Variants in CRTC1 observed in about 807,000 individuals in gnomAD.
The protein encoded by CRTC1 is CREB regulated transcription coactivator 1, also known as CREB-regulated transcription coactivator 1.
Under a neutral mutation model 66.1 loss-of-function variants are expected in CRTC1, and 18 were observed. The observed-to-expected ratio is 0.27, with a 90% CI of 0.19 to 0.40. CRTC1 has a LOEUF of 0.40. CRTC1 is among the 10% of genes least tolerant of loss of function. The pLI is 1.00. For synonymous variants in CRTC1, 416 were observed against 398.8 expected (o/e 1.04, Z -0.51); for missense variants, 669 against 887.9 (o/e 0.75, Z 3.13).
intron 13 of CRTC1, among the ~76,000 whole-genome samples, chr19:18,776,864 C>T (rs1370109800): frequency 6.6e-6 from 1 of 152,188 alleles, no homozygotes; most frequent in Admixed American, 6.5e-5. Flanking sequence ...GAGGTCCCTG[C>T]CCTCGCCAGG....
intron 1 of CRTC1, among the ~76,000 whole-genome samples, chr19:18,689,993 G>A (rs559372651): frequency 6.6e-6 from 1 of 151,698 alleles, no homozygotes; most frequent in Non-Finnish European, 1.5e-5. Context: ...CAGGGGGAAT[G>A]ATAGCTGGAG....
Position 18,775,723 on chromosome 19 carries a change from C to T in CRTC1, c.1595C>T (p.Ala532Val), listed in dbSNP as rs375088084. 39 of 1,612,574 alleles carry T rather than the reference C, an allele frequency of 2.4e-5. No individual in the cohort carries two copies. Among genetic ancestry groups the T allele is most frequent in the Non-Finnish European group, 3.0e-5 (35 of 1,179,836 alleles). ...GGCTCCACACTCAACTACTCGCAGG[C>T]GGCCATGATGGGCCTCACGGGCAGC... Reference protein sequence around the residue: ...SPGSTLNYSQAAMMGLTGSHG... With the variant: ...SPGSTLNYSQVAMMGLTGSHG... Residue 532 changes from alanine to valine, a missense_variant, in exon 13 of 14, where the codon GCG (alanine) becomes GTG (valine). Coordinates refer to ENST00000321949, the MANE Select transcript of CRTC1 (RefSeq NM_015321.3).
chr19:18,707,525 A>G (rs11670024), intron 1 of CRTC1, among the ~76,000 whole-genome samples: 12,538 of 152,302 alleles, frequency 0.082, 712 homozygotes, highest in Non-Finnish European at 0.12. Context: ...GTTTTGAAAT[A>G]ACAAAGTGTG....
At chr19:18,688,497 G>A (rs2052744269) in intron 1 of CRTC1, among the ~76,000 whole-genome samples, 2 of 151,954 alleles carry the variant, frequency 1.3e-5, no homozygotes, top group African/African-American at 2.4e-5. Context: ...GGAGTGTGGT[G>A]GTGCGATCTT....
chr19:18,764,701 C>G (rs771455082), intron 8 of CRTC1, among the ~76,000 whole-genome samples: 5 of 152,170 alleles, frequency 3.3e-5, no homozygotes, highest in African/African-American at 7.2e-5. Flanking sequence ...GTTCAGACAG[C>G]CTGATGGGTG....
At chr19:18,701,141 C>G (rs1277481497) in intron 1 of CRTC1, among the ~76,000 whole-genome samples, 1 of 152,266 alleles carries the variant, frequency 6.6e-6, no homozygotes, top group Non-Finnish European at 1.5e-5. Context: ...TCACTGCCGG[C>G]TCAGCCGGGG....
rs1386132495 is a variant in CRTC1 at position 18,771,191 on chromosome 19, A to C, written c.1321-251A>C. Among the ~76,000 whole-genome samples, 1 of 152,024 alleles carries C rather than the reference A, an allele frequency of 6.6e-6. No homozygotes were observed. Among genetic ancestry groups the C allele is most frequent in the African/African-American group, 2.4e-5 (1 of 41,362 alleles). ...CTGATCACCCTCCTGTAGCTCCAAG[A>C]AGGAGGGCAGTTATTCACCCTCCAC... On this transcript the variant is annotated intron_variant, in intron 10 of 13. Transcript: ENST00000321949. The surrounding 1 kb of genome is among the most constrained non-coding windows in gnomAD (Gnocchi z 4.6).
intron 1 of CRTC1, among the ~76,000 whole-genome samples, chr19:18,713,809 G>A (rs563295441): frequency 1.3e-5 from 2 of 152,234 alleles, no homozygotes; most frequent in African/African-American, 2.4e-5. Flanking sequence ...CTGCACGCGC[G>A]GGGAGGAGCT....
At chr19:18,758,610 G>C (rs944937585) in intron 6 of CRTC1, among the ~76,000 whole-genome samples, 4 of 152,120 alleles carry the variant, frequency 2.6e-5, no homozygotes, top group Non-Finnish European at 4.4e-5. Context: ...GGGACGTCTC[G>C]GGACTCTCAG....
At chr19:18,722,096 AC>A (rs1193116442) in intron 1 of CRTC1, among the ~76,000 whole-genome samples, 1 of 152,018 alleles carries the variant, frequency 6.6e-6, no homozygotes, top group Non-Finnish European at 1.5e-5. Flanking sequence ...TGCACCAGAG[AC>A]CCCCACACCT....
chr19:18,698,100 T>G (rs1311823979), intron 1 of CRTC1, among the ~76,000 whole-genome samples: 1 of 151,462 alleles, frequency 6.6e-6, no homozygotes, highest in Admixed American at 6.6e-5. Flanking sequence ...ACACGGTAGG[T>G]GCTCTGCAGG....
chr19:18,757,391 C>T (rs1838995073), intron 6 of CRTC1, among the ~76,000 whole-genome samples: 1 of 152,114 alleles, frequency 6.6e-6, no homozygotes, highest in South Asian at 2.1e-4. Flanking sequence ...GGAAGGTTTT[C>T]CTGGGCACCC....
chr19:18,754,100 CAAAAAAAAA>C (rs35678786), intron 6 of CRTC1, among the ~76,000 whole-genome samples: 1 of 80,790 alleles, frequency 1.2e-5, no homozygotes, highest in Non-Finnish European at 2.5e-5. Flanking sequence ...GACTCCATCT[CAAAAAAAAA>C]AAAAAAAAAG....
At position 18,760,101 on chromosome 19, in the gene CRTC1, C is replaced by T. The variant is rs750776192; in HGVS notation, c.759C>T (p.His253=). 2 of 1,613,812 alleles carry T rather than the reference C, an allele frequency of 1.2e-6. No homozygotes were observed. The highest frequency in any genetic ancestry group is 2.2e-5 in the East Asian group (1 of 44,886). The part of the protein sequence containing the change: ...GGSLPDLTNI[H]FPSPLPTPLD... The stretch of plus-strand genomic sequence containing the variant: ...CCCTGCCCGACCTGACCAACATCCA[C>T]TTCCCCTCCCCGCTCCCGACCCCGC... The change falls in exon 8 of 14, where the codon CAC becomes CAT. Residue 253 remains histidine (H), a synonymous_variant. Transcript: ENST00000321949. This position sits in a 1 kb window ranked among gnomAD's most constrained non-coding sequence, Gnocchi z 6.2.
Position 18,777,651 on chromosome 19 carries a change from A to C in CRTC1, c.*269A>C. ...TCCCGCCCCTGCAGACCCTCCCTGC[A>C]CTGGCTCCCTCGCCCCCAGCCCCGG... On this transcript the variant is annotated 3_prime_UTR_variant, in exon 14 of 14. Transcript: ENST00000321949. The surrounding 1 kb of genome is among the most constrained non-coding windows in gnomAD (Gnocchi z 5.5). The C allele has an allele frequency of 2.2e-6, 1 of 464,928 alleles. No individual in the cohort carries two copies. The highest frequency in any genetic ancestry group is 2.5e-5 in the South Asian group (1 of 40,290). The allele number at this position is 464,928 out of a possible 1,614,324, so 28.8% of individuals were successfully genotyped here. A position where few individuals can be genotyped will look rare whatever the true frequency, so the allele number is the denominator to read the frequency against.
At chr19:18,693,627 G>A (rs1057472060) in intron 1 of CRTC1, among the ~76,000 whole-genome samples, 11 of 151,592 alleles carry the variant, frequency 7.3e-5, no homozygotes, top group South Asian at 6.2e-4. Flanking sequence ...GGCTACAGGC[G>A]TCCACCACCA....
intron 4 of CRTC1, among the ~76,000 whole-genome samples, chr19:18,748,699 CAAAA>C (rs759984138): frequency 1.6e-5 from 2 of 121,288 alleles, no homozygotes; most frequent in African/African-American, 3.1e-5. Flanking sequence ...GACCCTGTCT[CAAAA>C]AAAAAAAAAG....
intron 1 of CRTC1, among the ~76,000 whole-genome samples, chr19:18,726,129 C>T (rs976516708): frequency 3.9e-5 from 6 of 152,240 alleles, no homozygotes; most frequent in African/African-American, 1.4e-4. Context: ...CATAAATCTG[C>T]GTTCTGGATG....
intron 1 of CRTC1, among the ~76,000 whole-genome samples, chr19:18,691,191 CAAAA>C (rs35591757): frequency 8.4e-6 from 1 of 118,692 alleles, no homozygotes. Context: ...GATCCTGTCT[CAAAA>C]AAAAAAAAAA....
Sources: gnomAD v4.1 joint callset for allele counts (sites outside exome capture counted in the v4.1 genomes callset) on GRCh38, gnomAD v4.1.1 for gene constraint, Gnocchi (gnomAD v3.1) non-coding constraint, MANE v1.5 for transcripts, NCBI Gene and HGNC (gene_info 2026-07-23, HGNC 2026-07-21) for gene names.